FGF14: variants seen among roughly 807,000 people sequenced by gnomAD.
FGF14 encodes the protein fibroblast growth factor homologous factor 4.
FGF14 carries 5 observed loss-of-function variants against 25.5 expected under a neutral mutation model. That is an observed-to-expected ratio of 0.20 (90% CI 0.10 to 0.41). FGF14 has a LOEUF of 0.41. Among genes scored for constraint, FGF14 ranks in the 10% least tolerant of loss-of-function variants. The pLI is 1.00. For synonymous variants in FGF14, 138 were observed against 118.3 expected (o/e 1.17, Z -1.08); for missense variants, 222 against 320.1 (o/e 0.69, Z 2.34).
chr13:102,105,050 T>C (rs1468555278), intron 1 of FGF14, among the ~76,000 whole-genome samples: 1 of 152,190 alleles, frequency 6.6e-6, no homozygotes, highest in African/African-American at 2.4e-5. Flanking sequence ...AAAATATCAA[T>C]TTTCTAATGT....
At chr13:102,012,560 C>G (rs2139810819) in intron 1 of FGF14, among the ~76,000 whole-genome samples, 1 of 152,276 alleles carries the variant, frequency 6.6e-6, no homozygotes, top group Non-Finnish European at 1.5e-5. Context: ...TGATAAAGGA[C>G]AGGCAATGCC....
At chr13:102,143,213 A>G (rs1178587381) in intron 1 of FGF14, among the ~76,000 whole-genome samples, 4 of 152,190 alleles carry the variant, frequency 2.6e-5, no homozygotes, top group Admixed American at 1.3e-4. Flanking sequence ...TTTCCTCTAC[A>G]AAATACTTTC....
chr13:102,092,283 T>A (rs1267860239), intron 1 of FGF14, among the ~76,000 whole-genome samples: 1 of 152,200 alleles, frequency 6.6e-6, no homozygotes, highest in African/African-American at 2.4e-5. Context: ...TATGAAAATA[T>A]TCATTGTTCA....
At chr13:102,239,305 T>A (rs943238112) in intron 1 of FGF14, among the ~76,000 whole-genome samples, 2 of 152,222 alleles carry the variant, frequency 1.3e-5, no homozygotes, top group African/African-American at 4.8e-5. Context: ...AGTGTACTTA[T>A]CAGACGAACT....
At chr13:102,364,064 G>A (rs2057640960) in intron 1 of FGF14, among the ~76,000 whole-genome samples, 1 of 152,216 alleles carries the variant, frequency 6.6e-6, no homozygotes, top group Admixed American at 6.5e-5. Flanking sequence ...CAGGTACGTG[G>A]TTGTGGATCT....
At chr13:102,124,640 G>C (rs1325488710) in intron 1 of FGF14, among the ~76,000 whole-genome samples, 5 of 151,966 alleles carry the variant, frequency 3.3e-5, no homozygotes, top group Non-Finnish European at 7.4e-5. Flanking sequence ...TCCTCTGATG[G>C]GCCAGATGGA....
intron 1 of FGF14, among the ~76,000 whole-genome samples, chr13:102,063,990 T>C (rs983079496): frequency 1.3e-5 from 2 of 152,194 alleles, no homozygotes; most frequent in African/African-American, 4.8e-5. Flanking sequence ...ATACTTGCTA[T>C]AATTAAAAGG....
At chr13:102,396,466 A>G (rs2058586494) in intron 1 of FGF14, among the ~76,000 whole-genome samples, 1 of 152,206 alleles carries the variant, frequency 6.6e-6, no homozygotes, top group Non-Finnish European at 1.5e-5. Flanking sequence ...CAAAATGTGC[A>G]AAGGAGTGAA....
At chr13:102,164,288 C>T (rs535078290) in intron 1 of FGF14, among the ~76,000 whole-genome samples, 2 of 152,258 alleles carry the variant, frequency 1.3e-5, no homozygotes, top group South Asian at 4.1e-4. Flanking sequence ...TTTATTTTTC[C>T]TGTTTTCTTG....
intron 1 of FGF14, among the ~76,000 whole-genome samples, chr13:102,118,534 G>A (rs763666552): frequency 1.3e-5 from 2 of 152,028 alleles, no homozygotes; most frequent in Non-Finnish European, 2.9e-5. Context: ...ATTTCAAGAT[G>A]AGCCTGAGAC....
chr13:102,380,703 G>C (rs77775060), intron 1 of FGF14, among the ~76,000 whole-genome samples: 2 of 152,102 alleles, frequency 1.3e-5, no homozygotes, highest in Admixed American at 6.6e-5. Context: ...AATACAAGAA[G>C]TGTAATTTAC....
chr13:102,242,785 G>A (rs979140960), intron 1 of FGF14, among the ~76,000 whole-genome samples: 5 of 152,050 alleles, frequency 3.3e-5, no homozygotes, highest in African/African-American at 1.2e-4. Context: ...CCTTTTCACA[G>A]TATTTTGCTT....
intron 1 of FGF14, among the ~76,000 whole-genome samples, chr13:102,211,553 C>A (rs1474688180): frequency 6.6e-6 from 1 of 152,144 alleles, no homozygotes; most frequent in Non-Finnish European, 1.5e-5. Context: ...GGGGAAAAAG[C>A]CAACAGACAA....
intron 1 of FGF14, among the ~76,000 whole-genome samples, chr13:102,381,963 G>T (rs1234343494): frequency 1.3e-5 from 2 of 152,086 alleles, no homozygotes; most frequent in African/African-American, 4.8e-5. Context: ...AATGAAGTTG[G>T]ACCCCTACCT....
At chr13:101,880,404 C>T (rs2138791763) in intron 1 of FGF14, among the ~76,000 whole-genome samples, 1 of 152,160 alleles carries the variant, frequency 6.6e-6, no homozygotes, top group Non-Finnish European at 1.5e-5. Flanking sequence ...CCCATCTCTA[C>T]TAAAAATACA....
intron 3 of FGF14, among the ~76,000 whole-genome samples, chr13:101,798,583 T>TG (rs1414097165): frequency 3.3e-5 from 5 of 151,980 alleles, no homozygotes; most frequent in Non-Finnish European, 7.4e-5. Context: ...TGGGTGGGGT[T>TG]GGGGGGCATG....
At chr13:101,752,401 G>A (rs935428273) in intron 3 of FGF14, among the ~76,000 whole-genome samples, 2 of 152,112 alleles carry the variant, frequency 1.3e-5, no homozygotes, top group Non-Finnish European at 2.9e-5. Flanking sequence ...ATTTTAATCA[G>A]TTGCATAAAA....
rs145840112 is a variant in FGF14, at chr13:101,978,735, C to T, written c.209-103439G>A. On this transcript the variant is annotated intron_variant, in intron 1 of 4. Transcript: ENST00000376131. ...CAGTTCTACTTTCAGAGTAGCTCCACTGAAATGAATGAATTACCTCTTATC... is the reference window on the plus strand; with the variant it reads ...CAGTTCTACTTTCAGAGTAGCTCCATTGAAATGAATGAATTACCTCTTATC... 8.5e-4 allele frequency among the ~76,000 whole-genome samples: 130 copies of T among 152,294 alleles called. 1 individual carries two copies. Among genetic ancestry groups the T allele is most frequent in the African/African-American group, 3.0e-3 (123 of 41,556 alleles).
chr13:101,803,020 G>T (rs1304728440), intron 3 of FGF14, among the ~76,000 whole-genome samples: 1 of 151,958 alleles, frequency 6.6e-6, no homozygotes, highest in Admixed American at 6.6e-5. Flanking sequence ...TCTTGTTTCT[G>T]TATATAGTCA....
Sources: gnomAD v4.1 joint callset for allele counts (sites outside exome capture counted in the v4.1 genomes callset) on GRCh38, gnomAD v4.1.1 for gene constraint, MANE v1.5 for transcripts, NCBI Gene and HGNC (gene_info 2026-07-23, HGNC 2026-07-21) for gene names.